Variants in LRRTM4 observed in about 807,000 individuals in gnomAD.
The protein encoded by LRRTM4 is leucine rich repeat transmembrane neuronal 4.
Under a neutral mutation model 47.6 loss-of-function variants are expected in LRRTM4, and 25 were observed. The ratio of observed to expected loss-of-function variants is 0.53; its 90% CI spans 0.38 to 0.73. The LOEUF is 0.73. Ranked by LOEUF, LRRTM4 falls within the 30% of genes least tolerant of loss-of-function variation. The pLI, the probability that LRRTM4 is intolerant of heterozygous loss-of-function variation, is 0.00. For missense variants in LRRTM4, 638 were observed against 713.4 expected (o/e 0.89, Z 1.20); for synonymous variants, 311 against 269.5 (o/e 1.15, Z -1.51).
rs1254785855 is a variant in LRRTM4 at position 77,477,963 on chromosome 2, G to GAAAGAA, written c.1551+40349_1551+40354dup. 2.4e-4 allele frequency among the ~76,000 whole-genome samples: 28 copies of GAAAGAA among 115,726 alleles called. 1 individual carries two copies. The highest frequency in any genetic ancestry group is 9.0e-4 in the African/African-American group (27 of 30,148). 75.9% of individuals were successfully genotyped at this position (115,726 alleles called of 152,430 possible). A position where few individuals can be genotyped will look rare whatever the true frequency, so the allele number is the denominator to read the frequency against. On this transcript the variant is annotated intron_variant, in intron 3 of 3. Transcript: ENST00000409884. Reference sequence around the variant, plus strand: ...AGAAAGAAAGAAAGAAAGAAAGAAAGAAAGAAAAAGAAAAAAAGCCACATG... The same window carrying GAAAGAA: ...AGAAAGAAAGAAAGAAAGAAAGAAAGAAAGAAAAAGAAAAAGAAAAAAAGCCACATG...
intron 3 of LRRTM4, among the ~76,000 whole-genome samples, chr2:76,774,212 G>C (rs1573077930): frequency 1.3e-5 from 2 of 151,182 alleles, no homozygotes; most frequent in East Asian, 3.9e-4. Flanking sequence ...TTTAGATGGA[G>C]TCTTGCTCTG....
chr2:77,521,046 T>C (rs1298306726), intron 2 of LRRTM4, among the ~76,000 whole-genome samples: 10 of 152,078 alleles, frequency 6.6e-5, no homozygotes, highest in African/African-American at 2.4e-4. Context: ...TTTTCTTTTT[T>C]TTCTTTTTAA....
intron 3 of LRRTM4, among the ~76,000 whole-genome samples, chr2:77,141,880 A>G (rs1211101996): frequency 6.6e-6 from 1 of 152,188 alleles, no homozygotes; most frequent in Non-Finnish European, 1.5e-5. Context: ...CACAGAAATT[A>G]CATCATAAGT....
intron 3 of LRRTM4, among the ~76,000 whole-genome samples, chr2:76,781,422 C>A (rs572320744): frequency 1.3e-5 from 2 of 152,364 alleles, no homozygotes; most frequent in African/African-American, 2.4e-5. Flanking sequence ...GGGCGTAGGA[C>A]CCTCCGAGCC....
intron 3 of LRRTM4, among the ~76,000 whole-genome samples, chr2:77,154,403 G>T (rs1468480376): frequency 6.6e-6 from 1 of 152,112 alleles, no homozygotes; most frequent in Non-Finnish European, 1.5e-5. Context: ...AAATCACTAT[G>T]TGTTTAATGA....
At chr2:77,114,338 A>G (rs1671330912) in intron 3 of LRRTM4, among the ~76,000 whole-genome samples, 1 of 152,304 alleles carries the variant, frequency 6.6e-6, no homozygotes, top group East Asian at 1.9e-4. Context: ...TGAATACGGT[A>G]ACATATTTTC....
At chr2:77,121,845 G>A (rs1671529559) in intron 3 of LRRTM4, among the ~76,000 whole-genome samples, 1 of 151,828 alleles carries the variant, frequency 6.6e-6, no homozygotes, top group South Asian at 2.1e-4. Context: ...CCACTGTGTG[G>A]TGACCTCCCA....
chr2:77,270,827 C>T (rs994255767), intron 3 of LRRTM4, among the ~76,000 whole-genome samples: 4 of 152,216 alleles, frequency 2.6e-5, no homozygotes, highest in Non-Finnish European at 5.9e-5. Context: ...TGGGTCACCA[C>T]CCTTCACCTA....
At position 77,229,726 on chromosome 2, in the gene LRRTM4, T is replaced by G. The variant is rs541916732; in HGVS notation, c.1551+288592A>C. ...TGCCAGACTTAGCAATAGTAATGTCTCTTCCTGGAATATCTCAAGTATACA... is the reference window on the plus strand; with the variant it reads ...TGCCAGACTTAGCAATAGTAATGTCGCTTCCTGGAATATCTCAAGTATACA... On this transcript the variant is annotated intron_variant, in intron 3 of 3. Transcript: ENST00000409884. 1.3e-3 allele frequency among the ~76,000 whole-genome samples: 201 copies of G among 152,298 alleles called. 3 individuals are homozygous for G. Among genetic ancestry groups the G allele is most frequent in the Non-Finnish European group, 3.2e-4 (22 of 68,022 alleles).
At chr2:77,152,476 G>C (rs1418836180) in intron 3 of LRRTM4, among the ~76,000 whole-genome samples, 1 of 151,956 alleles carries the variant, frequency 6.6e-6, no homozygotes, top group Non-Finnish European at 1.5e-5. Flanking sequence ...CTACAGGTGT[G>C]TGCCACCACG....
chr2:77,016,408 G>A (rs1350678469), intron 3 of LRRTM4, among the ~76,000 whole-genome samples: 2 of 147,386 alleles, frequency 1.4e-5, no homozygotes, highest in East Asian at 1.9e-4. Flanking sequence ...AAAGAGTGAG[G>A]AAGAAGATGG....
intron 3 of LRRTM4, among the ~76,000 whole-genome samples, chr2:77,019,882 C>G (rs1198037830): frequency 1.3e-5 from 2 of 151,832 alleles, no homozygotes; most frequent in African/African-American, 2.4e-5. Flanking sequence ...GGCAAAGAGG[C>G]TGTGGGTGAA....
chr2:77,015,671 A>G (rs1678040733), intron 3 of LRRTM4, among the ~76,000 whole-genome samples: 1 of 152,026 alleles, frequency 6.6e-6, no homozygotes, highest in African/African-American at 2.4e-5. Context: ...GTATTTTTGA[A>G]GTAGGAAATA....
At chr2:76,796,100 T>C (rs571322627) in intron 3 of LRRTM4, among the ~76,000 whole-genome samples, 7 of 137,344 alleles carry the variant, frequency 5.1e-5, no homozygotes, top group Admixed American at 1.4e-4. Context: ...ATACTGCGCT[T>C]TTCAGACAGG....
intron 3 of LRRTM4, among the ~76,000 whole-genome samples, chr2:77,234,269 T>C (rs1355043147): frequency 6.6e-6 from 1 of 152,160 alleles, no homozygotes; most frequent in Non-Finnish European, 1.5e-5. Context: ...GTGCAGACCA[T>C]TCAAATGAAT....
At chr2:77,076,591 G>A (rs554173750) in intron 3 of LRRTM4, among the ~76,000 whole-genome samples, 31 of 152,148 alleles carry the variant, frequency 2.0e-4, no homozygotes, top group Non-Finnish European at 4.3e-4. Flanking sequence ...TCGGGGAATA[G>A]TATTAATTCT....
At chr2:77,061,961 C>T (rs991258958) in intron 3 of LRRTM4, among the ~76,000 whole-genome samples, 2 of 152,108 alleles carry the variant, frequency 1.3e-5, no homozygotes, top group African/African-American at 4.8e-5. Context: ...ATGTAGACTT[C>T]TTGAGAATGT....
chr2:77,203,739 A>T (rs1359181141), intron 3 of LRRTM4, among the ~76,000 whole-genome samples: 1 of 152,218 alleles, frequency 6.6e-6, no homozygotes, highest in African/African-American at 2.4e-5. Flanking sequence ...TCTTCAGAGC[A>T]GATGAATATT....
At chr2:77,444,240 G>A (rs1400227110) in intron 3 of LRRTM4, among the ~76,000 whole-genome samples, 1 of 152,042 alleles carries the variant, frequency 6.6e-6, no homozygotes, top group Non-Finnish European at 1.5e-5. Context: ...CGAATATATT[G>A]GCCACGTATG....
Sources: gnomAD v4.1 joint callset for allele counts (sites outside exome capture counted in the v4.1 genomes callset) on GRCh38, gnomAD v4.1.1 for gene constraint, MANE v1.5 for transcripts, NCBI Gene and HGNC (gene_info 2026-07-23, HGNC 2026-07-21) for gene names.